KRT86: variants seen among roughly 807,000 people sequenced by gnomAD.
KRT86 encodes keratin, type II cuticular Hb6.
In KRT86, 30 loss-of-function variants were observed where a neutral mutation model predicts 41.2. That is an observed-to-expected ratio of 0.73 (90% CI 0.54 to 0.99). The LOEUF is 0.99. Among genes scored for constraint, KRT86 ranks in the 50% least tolerant of loss-of-function variants. KRT86 has a pLI of 0.00. For synonymous variants in KRT86, 238 were observed against 238.1 expected (o/e 1.00, Z 0.00); for missense variants, 561 against 571.4 (o/e 0.98, Z 0.19).
chr12:52,296,322 A>G (rs1938248712), intron 2 of KRT86, among the ~76,000 whole-genome samples: 1 of 152,126 alleles, frequency 6.6e-6, no homozygotes, highest in Admixed American at 6.5e-5. Context: ...CACTCCAGGG[A>G]TGAAAGAGCA....
chr12:52,308,156 G>A, intron 9 of KRT86, 77 bp from the exon 10 acceptor site: 21 of 1,582,470 alleles, frequency 1.3e-5, no homozygotes, highest in Non-Finnish European at 1.8e-5. Flanking sequence ...GAGGGCCACA[G>A]ATGTCCCCCT....
intron 1 of KRT86, chr12:52,274,975 G>A (rs1293310134): frequency 6.6e-6 from 1 of 152,482 alleles, no homozygotes; most frequent in African/African-American, 2.4e-5. Context: ...CCTTGGTGGA[G>A]AGCAAAGAGC....
intron 2 of KRT86, 28 bp downstream of exon 2, chr12:52,275,974 AGTGGCCATG>A: frequency 1.0e-6 from 1 of 985,900 alleles, no homozygotes; most frequent in Non-Finnish European, 1.2e-6. Context: ...GGGGCAACAG[AGTGGCCATG>A]GTGGGATGGT....
At position 52,305,697 on chromosome 12, in the gene KRT86, G is replaced by A; in HGVS notation, c.935G>A (p.Gly312Glu). The A allele has an allele frequency of 6.2e-7, 1 of 1,614,106 alleles. No homozygotes were observed. The highest frequency in any genetic ancestry group is 8.5e-7 in the Non-Finnish European group (1 of 1,179,952). Residue 312 changes from glycine (G) to glutamate (E), a missense_variant, in exon 8 of 11, where the codon GGG (glycine) becomes GAG (glutamate). By Grantham distance (98) the Gly-to-Glu change is moderately conservative. Around this residue, in one of 3 missense-constraint regions of KRT86, gnomAD observed 397 missense variants for 375.9 expected, o/e 1.06. Coordinates refer to ENST00000423955, the MANE Select transcript of KRT86 (RefSeq NM_001320198.2). ...ATGAAGGCCACGGTGATCAGGCACG[G>A]GGAGACCCTGCGCCGCACCAAGGAG... ...EEMKATVIRHGETLRRTKEEI... is the reference protein window; with the variant it reads ...EEMKATVIRHEETLRRTKEEI...
chr12:52,292,040 T>G (rs1274773821), intron 2 of KRT86, among the ~76,000 whole-genome samples: 2 of 152,202 alleles, frequency 1.3e-5, no homozygotes, highest in East Asian at 3.8e-4. Context: ...ATTTTTCAGT[T>G]GGCAGCTGAA....
At position 52,308,717 on chromosome 12, in the gene KRT86, C is replaced by T. The variant is rs1432906733; in HGVS notation, c.*132C>T. The T allele has an allele frequency of 1.6e-5, 13 of 823,458 alleles. No homozygotes were observed. Among genetic ancestry groups the T allele is most frequent in the Non-Finnish European group, 2.3e-5 (12 of 526,212 alleles). The allele number at this position is 823,458 out of a possible 1,614,324, so 51.0% of individuals were successfully genotyped here. On this transcript the variant is annotated 3_prime_UTR_variant, in exon 11 of 11. Transcript: ENST00000423955. The stretch of plus-strand genomic sequence containing the variant: ...GCTGCCTGCACTCTAAGCGCCCTCC[C>T]CACCGCTCCGCTCCGGGAGCCATCC...
chr12:52,288,834 C>A (rs61437296), intron 2 of KRT86, among the ~76,000 whole-genome samples: 11,358 of 151,802 alleles, frequency 0.075, 1,151 homozygotes, highest in African/African-American at 0.23. Context: ...CCCCCTTAGA[C>A]CCTGGGATTG....
rs1306352540 is a variant in KRT86, at chr12:52,308,594, C to G, written c.*9C>G. ...GCTGTAAGAGGTGCTAGGAGGCTGCCGCCTCCGCCAGCGCCTGTCGCCGTC... is the reference window on the plus strand; with the variant it reads ...GCTGTAAGAGGTGCTAGGAGGCTGCGGCCTCCGCCAGCGCCTGTCGCCGTC... On this transcript the variant is annotated 3_prime_UTR_variant, in exon 11 of 11. Transcript: ENST00000423955. 2 of 1,593,576 alleles carry G rather than the reference C, an allele frequency of 1.3e-6. No individual in the cohort carries two copies. Among genetic ancestry groups the G allele is most frequent in the Non-Finnish European group, 1.7e-6 (2 of 1,177,890 alleles).
At chr12:52,287,364 G>A in intron 2 of KRT86, 1 of 1,610,714 alleles carries the variant, frequency 6.2e-7, no homozygotes. Flanking sequence ...GAGTCCCTGG[G>A]TCTCTCTGAT....
At chr12:52,301,250 G>A (rs1002294914) in intron 2 of KRT86, among the ~76,000 whole-genome samples, 4 of 151,658 alleles carry the variant, frequency 2.6e-5, no homozygotes, top group African/African-American at 9.7e-5. Context: ...CCAGAGAGTG[G>A]GAGAGAGAGA....
chr12:52,287,342 C>A (rs1421786119), intron 2 of KRT86: 2 of 1,613,736 alleles, frequency 1.2e-6, no homozygotes, highest in Non-Finnish European at 1.7e-6. Flanking sequence ...ACAGAAAGAA[C>A]AAGGTAGATT....
intron 2 of KRT86, among the ~76,000 whole-genome samples, chr12:52,283,959 G>C (rs1484215567): frequency 6.6e-6 from 1 of 152,222 alleles, no homozygotes; most frequent in Non-Finnish European, 1.5e-5. Context: ...AACCTAGAGG[G>C]AGGTGAGGAT....
intron 2 of KRT86, among the ~76,000 whole-genome samples, chr12:52,284,340 C>A (rs1357423496): frequency 6.6e-6 from 1 of 152,188 alleles, no homozygotes; most frequent in East Asian, 1.9e-4. Flanking sequence ...TAGGTGCACA[C>A]CACGTCGCCC....
chr12:52,291,621 A>G, intron 2 of KRT86: 1 of 1,226,390 alleles, frequency 8.2e-7, no homozygotes, highest in Non-Finnish European at 1.1e-6. Context: ...TTTGCGCTTT[A>G]TGGGCTTGGG....
At chr12:52,295,959 G>C (rs2121272225) in intron 2 of KRT86, among the ~76,000 whole-genome samples, 1 of 152,128 alleles carries the variant, frequency 6.6e-6, no homozygotes, top group Non-Finnish European at 1.5e-5. Flanking sequence ...AAGTGAGTGA[G>C]ATGTGTCCTT....
chr12:52,291,155 T>C (rs1261578079), intron 2 of KRT86: 1 of 1,108,784 alleles, frequency 9.0e-7, no homozygotes, highest in African/African-American at 1.9e-5. Flanking sequence ...CTTCTCCTCC[T>C]GCTTCACGCA....
In KRT86 at chr12:52,286,664, A is replaced by T. The variant is rs997090044; in HGVS notation, c.-5+10718A>T. 1.1e-5 allele frequency: 14 copies of T among 1,227,810 alleles called. No individual in the cohort carries two copies. The African/African-American group carries it at 2.1e-4, about 18-fold the overall frequency. 76.1% of individuals were successfully genotyped at this position (1,227,810 alleles called of 1,614,324 possible). A position where few individuals can be genotyped will look rare whatever the true frequency, so the allele number is the denominator to read the frequency against. ...TGGGGTCTTTTGGATGTCTGACCCCAAATCCCTCCTGTTGTGATGCCAGCC... is the reference window on the plus strand; with the variant it reads ...TGGGGTCTTTTGGATGTCTGACCCCTAATCCCTCCTGTTGTGATGCCAGCC... On this transcript the variant is annotated intron_variant, in intron 2 of 10. Transcript: ENST00000423955.
chr12:52,300,454 T>C (rs1938345833), intron 2 of KRT86, among the ~76,000 whole-genome samples: 1 of 152,230 alleles, frequency 6.6e-6, no homozygotes, highest in Non-Finnish European at 1.5e-5. Context: ...TGGAGTCCAC[T>C]GAGCATGTAC....
intron 2 of KRT86, chr12:52,277,624 G>C (rs1164885210): frequency 2.0e-5 from 3 of 152,434 alleles, no homozygotes; most frequent in East Asian, 3.9e-4. Context: ...AGCTAAGCAG[G>C]ATGTGATGTA....
Sources: allele counts gnomAD v4.1 joint callset (sites outside exome capture counted in the v4.1 genomes callset), GRCh38; gene constraint gnomAD v4.1.1; regional missense constraint gnomAD v4.1.1; transcripts MANE v1.5; gene names NCBI Gene and HGNC (gene_info 2026-07-23, HGNC 2026-07-21).